Variants in MME observed in about 807,000 individuals in gnomAD.
MME encodes membrane metalloendopeptidase, also known as neprilysin.
MME carries 98 observed loss-of-function variants against 113.2 expected under a neutral mutation model. The ratio of observed to expected loss-of-function variants is 0.87; its 90% CI spans 0.74 to 1.02. The LOEUF (loss-of-function observed/expected upper bound fraction) is 1.02. Among genes scored for constraint, MME ranks in the 50% least tolerant of loss-of-function variants. The probability of loss-of-function intolerance (pLI) is 0.00; values close to 1 mark genes in which losing one functional copy is unlikely to be tolerated. For missense variants in MME, 836 were observed against 896.0 expected, an observed-to-expected ratio of 0.93 and a Z score of 0.86; for synonymous variants, 292 against 300.6, an observed-to-expected ratio of 0.97 and a Z score of 0.30.
Position 155,138,821 on chromosome 3 carries a change from C to T in MME, c.855+585C>T, listed in dbSNP as rs1259229724. 2.6e-5 allele frequency among the ~76,000 whole-genome samples: 4 copies of T among 152,242 alleles called. No homozygotes were observed. In the East Asian group the frequency reaches 7.7e-4, roughly 29 times the overall value. ...TCAACCCTTGGAGTCTGAGTTGGCA[C>T]TTTCTTCCCTGATGATTCTTTGATA... On this transcript the variant is annotated intron_variant, in intron 9 of 22. Coordinates refer to ENST00000360490, the MANE Select transcript of MME (RefSeq NM_007289.4).
At chr3:155,033,802 A>T (rs981941193) in intron 1 of MME, among the ~76,000 whole-genome samples, 69 of 150,960 alleles carry the variant, frequency 4.6e-4, no homozygotes, top group Non-Finnish European at 7.8e-4. Flanking sequence ...ATGTTTTATT[A>T]AAAAAAAATG....
In MME at chr3:155,183,597, G is replaced by A. The variant is rs201433815; in HGVS notation, c.*3138G>A. On this transcript the variant is annotated 3_prime_UTR_variant, in exon 23 of 23. Transcript: ENST00000360490. The stretch of plus-strand genomic sequence containing the variant: ...GGAGCTCTCAAACTAAAAGACATTT[G>A]TTATTTTGGAAAGAAGAAAGACTCT... The A allele has an allele frequency of 6.6e-6, 1 of 152,124 alleles. No homozygotes were observed. Among genetic ancestry groups the A allele is most frequent in the Non-Finnish European group, 1.5e-5 (1 of 68,010 alleles). 9.4% of individuals were successfully genotyped at this position (152,124 alleles called of 1,614,324 possible).
In MME at chr3:155,114,057, A is replaced by C. The variant is rs1230829453; in HGVS notation, c.197-937A>C. 3.3e-5 allele frequency among the ~76,000 whole-genome samples: 5 copies of C among 152,196 alleles called. No individual in the cohort carries two copies. In the South Asian group the frequency reaches 6.2e-4, roughly 19 times the overall value. ...GTTTGAAGTTTTTAATTAATTAATT[A>C]ATTCATAAAGTGAAGTATTTTCAAA... On this transcript the variant is annotated intron_variant, in intron 3 of 22. Coordinates refer to ENST00000360490, the MANE Select transcript of MME (RefSeq NM_007289.4).
intron 17 of MME, 37 bp downstream of exon 17, chr3:155,160,485 C>G (rs199760550): frequency 1.6e-5 from 22 of 1,394,752 alleles, no homozygotes; most frequent in African/African-American, 1.6e-4. Context: ...TAATATTTCT[C>G]TATCGTTCCC....
At chr3:155,127,693 T>A (rs1385469088) in intron 8 of MME, among the ~76,000 whole-genome samples, 1 of 152,202 alleles carries the variant, frequency 6.6e-6, no homozygotes, top group Non-Finnish European at 1.5e-5. Flanking sequence ...AATAACACAG[T>A]GGTGATCAAA....
intron 19 of MME, 36 bp downstream of exon 19, chr3:155,168,661 A>G: frequency 5.0e-6 from 8 of 1,613,502 alleles, no homozygotes; most frequent in East Asian, 4.5e-5. Flanking sequence ...AGTTTTAGAC[A>G]TGTTCAATCT....
chr3:155,125,837 A>G (rs1239589206), intron 8 of MME, among the ~76,000 whole-genome samples: 1 of 152,142 alleles, frequency 6.6e-6, no homozygotes, highest in East Asian at 1.9e-4. Flanking sequence ...TATTGGGGAA[A>G]GGTGTTGGTT....
chr3:155,045,209 G>GGCAC (rs1713514460), intron 1 of MME, among the ~76,000 whole-genome samples: 2 of 150,752 alleles, frequency 1.3e-5, no homozygotes, highest in African/African-American at 4.9e-5. Context: ...GGAGTGCAAT[G>GGCAC]GCACGGTCTT....
chr3:155,157,381 A>G (rs934286868), intron 16 of MME, among the ~76,000 whole-genome samples: 24 of 151,946 alleles, frequency 1.6e-4, no homozygotes, highest in African/African-American at 5.8e-4. Context: ...TGGCCTCCAC[A>G]CTTTAAAGGT....
At chr3:155,143,277 C>G (rs952952816) in intron 12 of MME, among the ~76,000 whole-genome samples, 166 bp from the exon 13 acceptor site, 2 of 152,158 alleles carry the variant, frequency 1.3e-5, no homozygotes, top group African/African-American at 4.8e-5. Flanking sequence ...TATAAGTAAA[C>G]AATCCATTTG....
intron 16 of MME, among the ~76,000 whole-genome samples, chr3:155,154,822 G>A (rs866679497): frequency 8.9e-4 from 135 of 152,236 alleles, no homozygotes; most frequent in African/African-American, 3.0e-3. Flanking sequence ...GTGGGCAGGC[G>A]GAGCACCGGA....
At chr3:155,172,957 C>T (rs1158562703) in intron 22 of MME, among the ~76,000 whole-genome samples, 1 of 151,962 alleles carries the variant, frequency 6.6e-6, no homozygotes, top group Non-Finnish European at 1.5e-5. Context: ...TAGGCCCAGA[C>T]CCAATGAGCT....
chr3:155,142,402 TAC>T, intron 12 of MME, 72 bp downstream of exon 12: 1 of 1,253,790 alleles, frequency 8.0e-7, no homozygotes, highest in Non-Finnish European at 1.2e-6. Context: ...GCTTACCATG[TAC>T]ACTGCTAGGA....
intron 17 of MME, among the ~76,000 whole-genome samples, chr3:155,166,543 C>T (rs376293946): frequency 1.3e-5 from 2 of 152,170 alleles, no homozygotes; most frequent in African/African-American, 4.8e-5. Context: ...AAGGTTATAA[C>T]TTCCCTTTGC....
chr3:155,030,790 G>A (rs1712945074), intron 1 of MME, among the ~76,000 whole-genome samples: 2 of 152,128 alleles, frequency 1.3e-5, no homozygotes, highest in African/African-American at 2.4e-5. Context: ...TATTTTCTAC[G>A]ATCTCAGCTT....
chr3:155,183,411 A>G lies in MME; in HGVS notation c.*2952A>G, dbSNP rs180781160. The G allele has an allele frequency of 8.4e-4, 128 of 152,348 alleles. No individual in the cohort carries two copies. Among genetic ancestry groups the G allele is most frequent in the Middle Eastern group, 3.4e-3 (1 of 294 alleles). The allele number at this position is 152,348 out of a possible 1,614,324, so 9.4% of individuals were successfully genotyped here. A position where few individuals can be genotyped will look rare whatever the true frequency, so the allele number is the denominator to read the frequency against. On this transcript the variant is annotated 3_prime_UTR_variant, in exon 23 of 23. Transcript: ENST00000360490. The stretch of plus-strand genomic sequence containing the variant: ...TGGGCAGGATAAACTGAAAACTCCC[A>G]TTTACGTGTCTGAATCGAGTGAGAC...
intron 14 of MME, among the ~76,000 whole-genome samples, chr3:155,145,026 C>T (rs1262011858): frequency 1.3e-5 from 2 of 152,112 alleles, no homozygotes; most frequent in Non-Finnish European, 2.9e-5. Flanking sequence ...ATAGAGGAGA[C>T]AATAATAAAT....
rs1029388283 is a variant in MME, at chr3:155,105,884, A to T, written c.197-9110A>T. Among the ~76,000 whole-genome samples, 4 of 152,166 alleles carry T rather than the reference A, an allele frequency of 2.6e-5. 1 individual carries two copies. Among genetic ancestry groups the T allele is most frequent in the African/African-American group, 7.2e-5 (3 of 41,428 alleles). ...ATTTAAGCGTCTTTGGCTAAACCTA[A>T]ATGAAAATCCTATAATTTACATTGT... On this transcript the variant is annotated intron_variant, in intron 3 of 22. Coordinates refer to ENST00000360490, the MANE Select transcript of MME (RefSeq NM_007289.4).
chr3:155,126,771 G>T (rs142873818), intron 8 of MME, among the ~76,000 whole-genome samples: 2 of 151,924 alleles, frequency 1.3e-5, no homozygotes, highest in African/African-American at 4.8e-5. Flanking sequence ...AGGCCAAGGC[G>T]GGTGGATCAC....
Sources: allele counts gnomAD v4.1 joint callset (sites outside exome capture counted in the v4.1 genomes callset), GRCh38; gene constraint gnomAD v4.1.1; transcripts MANE v1.5; gene names NCBI Gene and HGNC (gene_info 2026-07-23, HGNC 2026-07-21).